The following GALNT1 variants were observed in gnomAD, a reference collection of about 807,000 sequenced individuals.
GALNT1 encodes polypeptide N-acetylgalactosaminyltransferase 1.
In GALNT1, 17 loss-of-function variants were observed where a neutral mutation model predicts 65.7. That is an observed-to-expected ratio of 0.26 (90% confidence interval 0.18 to 0.39). The LOEUF (loss-of-function observed/expected upper bound fraction) is 0.39, where lower values mean the gene tolerates loss of function less well. Ranked by LOEUF, GALNT1 falls within the 10% of genes least tolerant of loss-of-function variation. The probability of loss-of-function intolerance (pLI) is 1.00; values close to 1 mark genes in which losing one functional copy is unlikely to be tolerated. For synonymous variants in GALNT1, 210 were observed against 219.7 expected (o/e 0.96, Z 0.39); for missense variants, 460 against 672.8 (o/e 0.68, Z 3.50).
rs950569522 is a variant in GALNT1 at position 35,658,457 on chromosome 18, G to A, written c.139+3656G>A. On this transcript the variant is annotated intron_variant, in intron 2 of 11. Coordinates refer to ENST00000269195, the MANE Select transcript of GALNT1 (RefSeq NM_020474.4). ...AAGGGAAGAAATGATTAGGGGAAGA[G>A]CACAGTTGATGCTAATAAGCAACAG... 6.0e-5 allele frequency among the ~76,000 whole-genome samples: 9 copies of A among 151,154 alleles called. No individual in the cohort carries two copies. The East Asian group carries it at 9.6e-4, about 16-fold the overall frequency.
intron 2 of GALNT1, among the ~76,000 whole-genome samples, 199 bp from the exon 3 acceptor site, chr18:35,663,429 G>A (rs558023919): frequency 5.9e-5 from 9 of 152,296 alleles, no homozygotes; most frequent in East Asian, 1.9e-4. Context: ...GCAAGGTGAC[G>A]AAGTCTTGAG....
intron 2 of GALNT1, among the ~76,000 whole-genome samples, chr18:35,656,312 G>A (rs754858888): frequency 6.6e-6 from 1 of 152,190 alleles, no homozygotes; most frequent in Non-Finnish European, 1.5e-5. Context: ...GGTACTAGGT[G>A]CTGTTGATAC....
chr18:35,632,707 C>G (rs367613921), intron 1 of GALNT1, among the ~76,000 whole-genome samples: 2 of 151,958 alleles, frequency 1.3e-5, no homozygotes, highest in Admixed American at 1.3e-4. Context: ...AATGGGATCT[C>G]ATTAAACTAA....
intron 9 of GALNT1, 37 bp downstream of exon 9, chr18:35,692,357 T>TATGTTCTTACTTTTTTATTAAA (rs774183528): frequency 2.9e-5 from 37 of 1,298,158 alleles, no homozygotes; most frequent in Non-Finnish European, 2.0e-6. Context: ...ATGTGGTTAT[T>TATGTTCTTACTTTTTTATTAAA]ATGTTCTTAC....
chr18:35,669,097 C>T (rs531358634), intron 3 of GALNT1, among the ~76,000 whole-genome samples: 55 of 152,228 alleles, frequency 3.6e-4, no homozygotes, highest in Middle Eastern at 6.8e-3. Flanking sequence ...AAAAATTAGC[C>T]AGGCGTGGTG....
rs192026760 is a variant in GALNT1, at chr18:35,606,557, A to G, written c.-104+24695A>G. On this transcript the variant is annotated intron_variant, in intron 1 of 11. Coordinates refer to ENST00000269195, the MANE Select transcript of GALNT1 (RefSeq NM_020474.4). ...AGAAGTCCTCAGAGAAGGAATACCA[A>G]TTTCTAGATTGGATCCCAAATTCTT... 1.1e-4 allele frequency among the ~76,000 whole-genome samples: 17 copies of G among 152,262 alleles called. No homozygotes were observed. In the East Asian group the frequency reaches 1.2e-3, roughly 10 times the overall value.
chr18:35,671,465 T>C (rs2047635202), intron 3 of GALNT1, among the ~76,000 whole-genome samples: 1 of 152,172 alleles, frequency 6.6e-6, no homozygotes. Context: ...TAATCTTTGG[T>C]TTTTAATAGA....
chr18:35,603,693 T>TGTG (rs2046609766), intron 1 of GALNT1, among the ~76,000 whole-genome samples: 1 of 152,146 alleles, frequency 6.6e-6, no homozygotes, highest in Non-Finnish European at 1.5e-5. Flanking sequence ...ATGACTTCTC[T>TGTG]TCTTCCCCAC....
At chr18:35,655,570 TG>T (rs2047373615) in intron 2 of GALNT1, among the ~76,000 whole-genome samples, 1 of 151,718 alleles carries the variant, frequency 6.6e-6, no homozygotes, top group African/African-American at 2.4e-5. Flanking sequence ...CCAGTTGTTC[TG>T]GGCTCTGAAC....
chr18:35,673,967 A>G (rs1476245450), intron 3 of GALNT1, among the ~76,000 whole-genome samples: 1 of 152,196 alleles, frequency 6.6e-6, no homozygotes, highest in Non-Finnish European at 1.5e-5. Flanking sequence ...GGTATAGCCT[A>G]TTACTCCCAG....
rs113836470 is a variant in GALNT1, at chr18:35,589,215, G to A, written c.-104+7353G>A. On this transcript the variant is annotated intron_variant, in intron 1 of 11. Transcript: ENST00000269195. Reference sequence around the variant, plus strand: ...GAGTAGAGGTCCAGGATATCCGGGGGAGAGGGTGTATGTGGAAGGGTGCCT... The same window carrying A: ...GAGTAGAGGTCCAGGATATCCGGGGAAGAGGGTGTATGTGGAAGGGTGCCT... 5.3e-3 allele frequency among the ~76,000 whole-genome samples: 811 copies of A among 152,210 alleles called. 10 individuals carry two copies. The highest frequency in any genetic ancestry group is 0.019 in the African/African-American group (770 of 41,520).
intron 11 of GALNT1, among the ~76,000 whole-genome samples, chr18:35,704,206 T>C (rs778724293): frequency 5.5e-4 from 84 of 152,372 alleles, no homozygotes; most frequent in Middle Eastern, 3.4e-3. Flanking sequence ...ACTTGTGCTT[T>C]TGCCAGGTTC....
rs561414852 is a variant in GALNT1 at position 35,594,454 on chromosome 18, T to C, written c.-104+12592T>C. Among the ~76,000 whole-genome samples, 5 of 152,142 alleles carry C rather than the reference T, an allele frequency of 3.3e-5. No individual in the cohort carries two copies. In the South Asian group the frequency reaches 1.0e-3, roughly 32 times the overall value. On this transcript the variant is annotated intron_variant, in intron 1 of 11. Transcript: ENST00000269195. ...GAGAGAGGGGGTCCAGGAGAGGAGC[T>C]GTAAAGAATAGTAAGGCTTGGTCTG...
In GALNT1 at chr18:35,666,322, G is replaced by A. The variant is rs75828442; in HGVS notation, c.314+2520G>A. Among the ~76,000 whole-genome samples the A allele has an allele frequency of 3.0e-3, 449 of 152,088 alleles. 3 individuals are homozygous for A. The highest frequency in any genetic ancestry group is 0.011 in the African/African-American group (438 of 41,484). On this transcript the variant is annotated intron_variant, in intron 3 of 11. Transcript: ENST00000269195. ...AAAAATTAAACCAAGGAGATGAAGAGTATCTCTTTATCTGGCAAGTTGATT... is the reference window on the plus strand; with the variant it reads ...AAAAATTAAACCAAGGAGATGAAGAATATCTCTTTATCTGGCAAGTTGATT...
In GALNT1 at chr18:35,702,982, TG is replaced by T; in HGVS notation, c.1391del (p.Gly464ValfsTer37). 1.2e-6 allele frequency: 2 copies of T among 1,601,402 alleles called. No homozygotes were observed. The highest frequency in any genetic ancestry group is 1.1e-5 in the South Asian group (1 of 89,608). ...GTTGGAATTTTTAATTGCCATGGTA[TG>T]GGGGGTAATCAGGTGAGTATCTTAG... Reference protein sequence around the residue: ...EKVGIFNCHGMGGNQVFSYTA... With the variant: ...EKVGIFNCHGXGGNQVFSYTA... On this transcript the variant is annotated frameshift_variant, in exon 10 of 12. Coordinates refer to ENST00000269195, the MANE Select transcript of GALNT1 (RefSeq NM_020474.4). LOFTEE classifies it high-confidence loss of function.
At chr18:35,641,165 C>T (rs765799821) in intron 1 of GALNT1, among the ~76,000 whole-genome samples, 19 of 152,142 alleles carry the variant, frequency 1.2e-4, no homozygotes, top group Non-Finnish European at 1.3e-4. Flanking sequence ...GGGAAAAGGG[C>T]TTGGGATGGT....
intron 1 of GALNT1, among the ~76,000 whole-genome samples, chr18:35,612,826 T>C (rs2046734569): frequency 6.6e-6 from 1 of 151,694 alleles, no homozygotes; most frequent in African/African-American, 2.4e-5. Context: ...TATCGCACCA[T>C]TGCACTCCAG....
At chr18:35,694,014 G>T (rs1381366530) in intron 9 of GALNT1, among the ~76,000 whole-genome samples, 1 of 152,148 alleles carries the variant, frequency 6.6e-6, no homozygotes, top group Non-Finnish European at 1.5e-5. Flanking sequence ...AGGGAAAGAC[G>T]TGTTTCAGGA....
At chr18:35,677,779 CA>C in intron 4 of GALNT1, 22 bp downstream of exon 4, 1 of 1,548,806 alleles carries the variant, frequency 6.5e-7, no homozygotes, top group Non-Finnish European at 8.8e-7. Flanking sequence ...ATTTTAATGC[CA>C]ATAATTTGCT....
Sources: gnomAD v4.1 joint callset for allele counts (sites outside exome capture counted in the v4.1 genomes callset) on GRCh38, gnomAD v4.1.1 for gene constraint, MANE v1.5 for transcripts, NCBI Gene and HGNC (gene_info 2026-07-23, HGNC 2026-07-21) for gene names.